Variants in PDIA5 observed in about 807,000 individuals in gnomAD.
PDIA5 encodes the protein protein disulfide-isomerase A5.
In PDIA5, 58 loss-of-function variants were observed where a neutral mutation model predicts 77.6. The observed-to-expected ratio is 0.75, with a 90% CI of 0.61 to 0.93. PDIA5 has a LOEUF of 0.93. Among genes scored for constraint, PDIA5 ranks in the 40% least tolerant of loss-of-function variants. PDIA5 has a pLI of 0.00. For missense variants in PDIA5, 630 were observed against 647.7 expected, an observed-to-expected ratio of 0.97 and a Z score of 0.30; for synonymous variants, 250 against 252.1, an observed-to-expected ratio of 0.99 and a Z score of 0.08.
chr3:123,075,039 G>A (rs1933816414), intron 1 of PDIA5, among the ~76,000 whole-genome samples: 1 of 152,158 alleles, frequency 6.6e-6, no homozygotes, highest in African/African-American at 2.4e-5. Context: ...AAGAAGAGAA[G>A]CACAAAGATT....
intron 15 of PDIA5, among the ~76,000 whole-genome samples, chr3:123,157,551 C>T (rs1045280180): frequency 6.6e-6 from 1 of 152,182 alleles, no homozygotes; most frequent in East Asian, 1.9e-4. Flanking sequence ...CCCAAGCTGC[C>T]ACTTCTTAGC....
At chr3:123,088,441 G>A (rs891968600) in intron 1 of PDIA5, among the ~76,000 whole-genome samples, 3 of 152,186 alleles carry the variant, frequency 2.0e-5, no homozygotes, top group African/African-American at 4.8e-5. Context: ...TAAGCATTAA[G>A]GGATGATCTT....
At chr3:123,136,483 G>A (rs1415559470) in intron 11 of PDIA5, among the ~76,000 whole-genome samples, 3 of 151,808 alleles carry the variant, frequency 2.0e-5, no homozygotes, top group Non-Finnish European at 2.9e-5. Flanking sequence ...GCTCACGCCT[G>A]TAATCCCAGC....
At chr3:123,098,327 C>G (rs1478622050) in intron 3 of PDIA5, among the ~76,000 whole-genome samples, 2 of 152,138 alleles carry the variant, frequency 1.3e-5, no homozygotes, top group African/African-American at 4.8e-5. Context: ...GACCCCCACC[C>G]TCCGACCCCG....
chr3:123,067,095 C>G lies in PDIA5; in HGVS notation c.-70C>G. ...GCCGTGGTGGTTGGCCGCGGTGGAG[C>G]TAGCAGGCGGGCGGGCGGGAGCGGG... On this transcript the variant is annotated 5_prime_UTR_variant, in exon 1 of 17. Transcript: ENST00000316218. The G allele has an allele frequency of 2.5e-6, 3 of 1,196,188 alleles. No homozygotes were observed. The highest frequency in any genetic ancestry group is 3.1e-6 in the Non-Finnish European group (3 of 952,554). 74.1% of individuals were successfully genotyped at this position (1,196,188 alleles called of 1,614,324 possible).
chr3:123,156,862 C>T (rs751432684), intron 15 of PDIA5, among the ~76,000 whole-genome samples: 3 of 152,188 alleles, frequency 2.0e-5, no homozygotes, highest in Non-Finnish European at 2.9e-5. Flanking sequence ...CCCACTAGAC[C>T]GCCGCTGAGG....
At chr3:123,076,604 T>C (rs770533035) in intron 1 of PDIA5, among the ~76,000 whole-genome samples, 1 of 152,244 alleles carries the variant, frequency 6.6e-6, no homozygotes. Context: ...AATGAGATCA[T>C]GTGTGTAAAA....
chr3:123,159,895 G>A (rs1936117977), intron 15 of PDIA5, among the ~76,000 whole-genome samples: 2 of 152,168 alleles, frequency 1.3e-5, no homozygotes, highest in Non-Finnish European at 2.9e-5. Flanking sequence ...GTGGCCATGG[G>A]GGCCCACAGG....
intron 14 of PDIA5, among the ~76,000 whole-genome samples, chr3:123,152,447 T>C (rs1553806020): frequency 6.6e-6 from 1 of 152,186 alleles, no homozygotes; most frequent in Non-Finnish European, 1.5e-5. Flanking sequence ...GACATACATC[T>C]TTATCAGTGG....
chr3:123,126,148 G>A (rs1407796138), intron 10 of PDIA5, among the ~76,000 whole-genome samples: 1 of 152,100 alleles, frequency 6.6e-6, no homozygotes, highest in African/African-American at 2.4e-5. Context: ...TAGACAAAGG[G>A]AGCACATCAA....
rs532353997 is a variant in PDIA5 at position 123,103,087 on chromosome 3, C to T, written c.387+291C>T. 5.3e-5 allele frequency among the ~76,000 whole-genome samples: 8 copies of T among 152,278 alleles called. No homozygotes were observed. In the East Asian group the frequency reaches 7.7e-4, roughly 15 times the overall value. ...TTTGCCAAAGGCCTGGGCCTCATTT[C>T]GTTGTAGCTTCAAAGTCCTCCCCTC... On this transcript the variant is annotated intron_variant, in intron 5 of 16. Transcript: ENST00000316218.
At chr3:123,091,565 C>A (rs1399496650) in intron 2 of PDIA5, among the ~76,000 whole-genome samples, 2 of 152,168 alleles carry the variant, frequency 1.3e-5, no homozygotes, top group Non-Finnish European at 2.9e-5. Flanking sequence ...CCCTAAGACC[C>A]TGCCCTCCCA....
At chr3:123,160,380 T>A (rs1014146496) in intron 15 of PDIA5, among the ~76,000 whole-genome samples, 2 of 152,220 alleles carry the variant, frequency 1.3e-5, no homozygotes, top group East Asian at 3.8e-4. Context: ...TGCTAGATGG[T>A]CAAGAAGAGG....
chr3:123,088,224 A>C (rs1038688504), intron 1 of PDIA5, among the ~76,000 whole-genome samples: 50 of 151,508 alleles, frequency 3.3e-4, no homozygotes, highest in South Asian at 6.3e-4. Flanking sequence ...CTTTGTGTCT[A>C]CTCCTTATTC....
In PDIA5 at chr3:123,123,978, G is replaced by T. The variant is rs1005446536; in HGVS notation, c.610-88G>T. On this transcript the variant is annotated intron_variant, in intron 8 of 16. Coordinates refer to ENST00000316218, the MANE Select transcript of PDIA5 (RefSeq NM_006810.4). ...GGGCTTTGTCCCATATGTCTTTCTG[G>T]TGGGACAGCAGCTGGACAGATGGCG... 3.6e-6 allele frequency: 3 copies of T among 839,156 alleles called. No individual in the cohort carries two copies. In the African/African-American group the frequency reaches 5.0e-5, roughly 14 times the overall value. The allele number at this position is 839,156 out of a possible 1,614,324, so 52.0% of individuals were successfully genotyped here. A position where few individuals can be genotyped will look rare whatever the true frequency, so the allele number is the denominator to read the frequency against.
chr3:123,132,622 C>T (rs925662761), intron 11 of PDIA5, among the ~76,000 whole-genome samples: 1 of 152,188 alleles, frequency 6.6e-6, no homozygotes, highest in Non-Finnish European at 1.5e-5. Context: ...AAAAAGTGCC[C>T]GCCATGAGGC....
chr3:123,106,496 C>T (rs1190291178), intron 5 of PDIA5, among the ~76,000 whole-genome samples: 1 of 152,182 alleles, frequency 6.6e-6, no homozygotes, highest in Non-Finnish European at 1.5e-5. Context: ...GACTACCTGG[C>T]TGGAGTGAGC....
rs759365811 is a variant in PDIA5, at chr3:123,111,000, C to T, written c.537C>T (p.Ala179=). ...AGCCGCTCCTGATCATGTTTTATGC[C>T]CCCTGTGAGTGAACTTTCTCCCTTG... is the stretch of plus-strand genomic sequence containing the variant. ...EEKPLLIMFY[A]PWCSMCKRMM... Residue 179 remains alanine (A), a synonymous_variant, in exon 7 of 17, where the codon GCC becomes GCT. Transcript: ENST00000316218. 1.7e-5 allele frequency: 27 copies of T among 1,613,164 alleles called. No individual in the cohort carries two copies. In the South Asian group the frequency reaches 2.3e-4, roughly 14 times the overall value.
At chr3:123,093,722 T>C (rs1422735496) in intron 3 of PDIA5, among the ~76,000 whole-genome samples, 1 of 152,214 alleles carries the variant, frequency 6.6e-6, no homozygotes, top group East Asian at 1.9e-4. Flanking sequence ...GCGATTACAA[T>C]GTCAGGTGAA....
Sources: gnomAD v4.1 joint callset for allele counts (sites outside exome capture counted in the v4.1 genomes callset) on GRCh38, gnomAD v4.1.1 for gene constraint, MANE v1.5 for transcripts, NCBI Gene and HGNC (gene_info 2026-07-23, HGNC 2026-07-21) for gene names.